Variants in IQSEC3 observed in about 807,000 individuals in gnomAD.
IQSEC3 encodes the protein IQ motif and Sec7 domain ArfGEF 3.
A neutral mutation model predicts 105.4 loss-of-function variants in IQSEC3; 50 were observed. The ratio of observed to expected loss-of-function variants is 0.47; its 90% CI spans 0.38 to 0.60. The LOEUF (loss-of-function observed/expected upper bound fraction) is 0.60. Ranked by LOEUF, IQSEC3 falls within the 20% of genes least tolerant of loss-of-function variation. IQSEC3 has a pLI of 0.00. For missense variants in IQSEC3, 1,415 were observed against 1,630.0 expected (o/e 0.87, Z 2.27); for synonymous variants, 708 against 746.0 (o/e 0.95, Z 0.83).
intron 2 of IQSEC3, among the ~76,000 whole-genome samples, chr12:100,365 A>G (rs1864383599): frequency 6.6e-6 from 1 of 151,982 alleles, no homozygotes; most frequent in African/African-American, 2.4e-5. Context: ...CATGCTCACC[A>G]TTTTCAGGTT....
intron 5 of IQSEC3, among the ~76,000 whole-genome samples, chr12:142,845 G>A (rs1866087687): frequency 6.6e-6 from 1 of 152,134 alleles, no homozygotes. Context: ...CATCTCTCTG[G>A]CTTTCCTGCA....
At chr12:172,637 G>A (rs1047404881) in intron 13 of IQSEC3, among the ~76,000 whole-genome samples, 4 of 152,302 alleles carry the variant, frequency 2.6e-5, no homozygotes, top group South Asian at 2.1e-4. Flanking sequence ...TCTCTCTGCC[G>A]TTGCTGGCCA....
At chr12:154,106 G>C (rs764404264) in intron 5 of IQSEC3, among the ~76,000 whole-genome samples, 1 of 152,178 alleles carries the variant, frequency 6.6e-6, no homozygotes, top group Non-Finnish European at 1.5e-5. Context: ...AGGCCCACGA[G>C]GGGTGTATTC....
At chr12:107,122 A>T (rs188775332) in intron 2 of IQSEC3, among the ~76,000 whole-genome samples, 196 of 152,288 alleles carry the variant, frequency 1.3e-3, no homozygotes, top group African/African-American at 4.2e-3. Flanking sequence ...TCCAGCAGGG[A>T]CACTTTCCAT....
At chr12:114,239 A>G in intron 2 of IQSEC3, among the ~76,000 whole-genome samples, 1 of 152,202 alleles carries the variant, frequency 6.6e-6, no homozygotes, top group South Asian at 2.1e-4. Context: ...ATGACTAGGG[A>G]ATGTTTAGAA....
At chr12:71,911 T>A (rs1195759610) in intron 1 of IQSEC3, among the ~76,000 whole-genome samples, 1 of 152,290 alleles carries the variant, frequency 6.6e-6, no homozygotes, top group Admixed American at 6.5e-5. Context: ...AGTGTGCGTC[T>A]TTTTATTCAT....
intron 2 of IQSEC3, among the ~76,000 whole-genome samples, chr12:102,367 G>T (rs782522452): frequency 6.6e-6 from 1 of 152,202 alleles, no homozygotes; most frequent in Non-Finnish European, 1.5e-5. Context: ...GACCTTTGTT[G>T]TGTGGACTCA....
At chr12:101,302 A>G (rs1864414188) in intron 2 of IQSEC3, among the ~76,000 whole-genome samples, 1 of 152,152 alleles carries the variant, frequency 6.6e-6, no homozygotes, top group Admixed American at 6.5e-5. Flanking sequence ...ATGTAGGTAG[A>G]TGTGGGGCAG....
At chr12:71,233 T>C (rs2136858325) in intron 1 of IQSEC3, among the ~76,000 whole-genome samples, 1 of 152,400 alleles carries the variant, frequency 6.6e-6, no homozygotes, top group East Asian at 1.9e-4. Flanking sequence ...AGTTGCATGC[T>C]TGAAGGTGAT....
intron 1 of IQSEC3, among the ~76,000 whole-genome samples, chr12:75,932 G>C (rs1320313396): frequency 5.3e-5 from 8 of 152,354 alleles, no homozygotes; most frequent in Admixed American, 5.2e-4. Context: ...ACGGATGAGG[G>C]GTGAGGAGAA....
intron 5 of IQSEC3, among the ~76,000 whole-genome samples, chr12:151,152 ATGGTACCTC>A: frequency 8.4e-6 from 1 of 119,132 alleles, no homozygotes; most frequent in Non-Finnish European, 1.9e-5. Flanking sequence ...ACACTAGAGA[ATGGTACCTC>A]CAGGCCCCTG....
chr12:173,150 A>C (rs1276712520), intron 13 of IQSEC3, among the ~76,000 whole-genome samples: 1 of 152,062 alleles, frequency 6.6e-6, no homozygotes, highest in Non-Finnish European at 1.5e-5. Flanking sequence ...TGCCTGAGTG[A>C]GGGTCCTGGA....
At chr12:80,766 C>T (rs1002539293) in intron 1 of IQSEC3, among the ~76,000 whole-genome samples, 1 of 152,148 alleles carries the variant, frequency 6.6e-6, no homozygotes, top group Non-Finnish European at 1.5e-5. Context: ...AGAAGAGACC[C>T]GGAATAAAGG....
chr12:168,298 A>C (rs17692962), intron 11 of IQSEC3, among the ~76,000 whole-genome samples: 52,975 of 151,990 alleles, frequency 0.35, 9,834 homozygotes, highest in South Asian at 0.48. Context: ...ATGTCCTAGC[A>C]CTGCAGGCTT....
intron 3 of IQSEC3, among the ~76,000 whole-genome samples, chr12:130,598 T>G (rs148163566): frequency 6.6e-6 from 1 of 152,286 alleles, no homozygotes; most frequent in African/African-American, 2.4e-5. Flanking sequence ...GCAGCCCCAC[T>G]GGAGGGTCTC....
At chr12:116,297 C>A (rs1456777970) in intron 2 of IQSEC3, among the ~76,000 whole-genome samples, 3 of 152,184 alleles carry the variant, frequency 2.0e-5, no homozygotes, top group Non-Finnish European at 4.4e-5. Flanking sequence ...GGCTGCGACT[C>A]TACCCCTAAT....
chr12:118,763 C>T (rs1006293141), intron 2 of IQSEC3, among the ~76,000 whole-genome samples: 34 of 152,210 alleles, frequency 2.2e-4, no homozygotes, highest in African/African-American at 6.0e-4. Context: ...TGCCGGGCCT[C>T]GGTCAGCACC....
At chr12:112,339 A>G (rs1864919538) in intron 2 of IQSEC3, among the ~76,000 whole-genome samples, 2 of 152,142 alleles carry the variant, frequency 1.3e-5, no homozygotes, top group South Asian at 4.1e-4. Flanking sequence ...GCCGAGAAGC[A>G]GGCATCAGCT....
Position 138,127 on chromosome 12 carries a change from T to C in IQSEC3, c.904-140T>C. 1.4e-6 allele frequency: 1 copy of C among 717,132 alleles called. No homozygotes were observed. Among genetic ancestry groups the C allele is most frequent in the South Asian group, 1.9e-5 (1 of 53,750 alleles). 44.4% of individuals were successfully genotyped at this position (717,132 alleles called of 1,614,324 possible). ...AGGACGTTCTAGGCGGTTCAGACTT[T>C]AGCTGCCCAGGAGCGCCCCCCCGCC... On this transcript the variant is annotated intron_variant, in intron 3 of 13. Coordinates refer to ENST00000538872, the MANE Select transcript of IQSEC3 (RefSeq NM_001170738.2). The surrounding 1 kb of genome is among the most constrained non-coding windows in gnomAD (Gnocchi z 7.1).
Sources: allele counts gnomAD v4.1 joint callset (sites outside exome capture counted in the v4.1 genomes callset), GRCh38; gene constraint gnomAD v4.1.1; non-coding constraint Gnocchi (gnomAD v3.1); transcripts MANE v1.5; gene names NCBI Gene and HGNC (gene_info 2026-07-23, HGNC 2026-07-21).